CSMD1: variants seen among roughly 807,000 people sequenced by gnomAD.
The protein encoded by CSMD1 is CUB and Sushi multiple domains 1.
CSMD1 carries 213 observed loss-of-function variants against 417.5 expected under a neutral mutation model. The observed-to-expected ratio is 0.51, with a 90% CI of 0.46 to 0.57. The LOEUF (loss-of-function observed/expected upper bound fraction) is 0.57, where lower values mean the gene tolerates loss of function less well. Ranked by LOEUF, CSMD1 falls within the 20% of genes least tolerant of loss-of-function variation. The pLI, the probability that CSMD1 is intolerant of heterozygous loss-of-function variation, is 0.00. For missense variants in CSMD1, 6,923 were observed against 4,529.7 expected (o/e 1.53, Z -15.17); for synonymous variants, 2,862 against 1,736.8 (o/e 1.65, Z -16.11).
intron 69 of CSMD1, among the ~76,000 whole-genome samples, chr8:2,941,906 G>C (rs1187575729): frequency 1.3e-5 from 2 of 152,174 alleles, no homozygotes; most frequent in African/African-American, 2.4e-5. Flanking sequence ...CATGGAGCCT[G>C]AATGTAGAGA....
chr8:3,953,741 C>A (rs1443700604), intron 5 of CSMD1, among the ~76,000 whole-genome samples: 2 of 152,072 alleles, frequency 1.3e-5, no homozygotes, highest in African/African-American at 2.4e-5. Context: ...CCCACAGAGC[C>A]CCTGAGCTGC....
At chr8:3,729,817 A>G (rs1176049284) in intron 6 of CSMD1, among the ~76,000 whole-genome samples, 1 of 151,800 alleles carries the variant, frequency 6.6e-6, no homozygotes, top group East Asian at 1.9e-4. Flanking sequence ...ATTCTACAGC[A>G]TATTTATAAA....
At chr8:4,415,357 G>T (rs980380288) in intron 3 of CSMD1, among the ~76,000 whole-genome samples, 4 of 152,154 alleles carry the variant, frequency 2.6e-5, no homozygotes, top group African/African-American at 9.7e-5. Flanking sequence ...TACTCAGGAA[G>T]ATCCTTCTGT....
At chr8:3,442,363 C>T (rs1193496911) in intron 12 of CSMD1, among the ~76,000 whole-genome samples, 2 of 152,186 alleles carry the variant, frequency 1.3e-5, no homozygotes, top group Non-Finnish European at 2.9e-5. Context: ...CCATCACTCA[C>T]TCACTGACTC....
At chr8:4,977,507 G>T (rs576014436) in intron 1 of CSMD1, among the ~76,000 whole-genome samples, 1 of 152,320 alleles carries the variant, frequency 6.6e-6, no homozygotes, top group African/African-American at 2.4e-5. Flanking sequence ...ACATTGGCAT[G>T]AAAACGTAAA....
rs1469972584 is a variant in CSMD1, at chr8:3,651,368, G to C, written c.1010-34571C>G. Among the ~76,000 whole-genome samples the C allele has an allele frequency of 2.0e-5, 3 of 152,188 alleles. No homozygotes were observed. In the East Asian group the frequency reaches 5.8e-4, roughly 29 times the overall value. On this transcript the variant is annotated intron_variant, in intron 7 of 69. Coordinates refer to ENST00000635120, the MANE Select transcript of CSMD1 (RefSeq NM_033225.6). Reference sequence around the variant, plus strand: ...CCCACACACTTCACATAGGTCTTCTGTCTCCTCTTCATTCACAATATGGAA... The same window carrying C: ...CCCACACACTTCACATAGGTCTTCTCTCTCCTCTTCATTCACAATATGGAA...
intron 3 of CSMD1, among the ~76,000 whole-genome samples, chr8:4,057,003 C>T (rs1563065531): frequency 6.6e-6 from 1 of 152,184 alleles, no homozygotes; most frequent in African/African-American, 2.4e-5. Context: ...CATACGTGTG[C>T]ATGTGTCTTT....
intron 3 of CSMD1, among the ~76,000 whole-genome samples, chr8:4,061,354 G>C (rs1029105384): frequency 6.6e-6 from 1 of 152,170 alleles, no homozygotes; most frequent in Admixed American, 6.5e-5. Context: ...AAGAAAAGTA[G>C]AAGTAAAAAT....
chr8:4,795,787 G>C (rs1228709795), intron 1 of CSMD1, among the ~76,000 whole-genome samples: 2 of 152,078 alleles, frequency 1.3e-5, no homozygotes, highest in Non-Finnish European at 2.9e-5. Flanking sequence ...GGTACTCTGA[G>C]TGCAATTCAT....
intron 2 of CSMD1, among the ~76,000 whole-genome samples, chr8:4,634,392 T>C (rs1312960494): frequency 6.6e-6 from 1 of 152,196 alleles, no homozygotes; most frequent in Non-Finnish European, 1.5e-5. Flanking sequence ...AAAAAAAATA[T>C]TACAGTGGTT....
In CSMD1 at chr8:4,277,088, C is replaced by T. The variant is rs184537220; in HGVS notation, c.415+142865G>A. 4.6e-5 allele frequency among the ~76,000 whole-genome samples: 7 copies of T among 152,172 alleles called. No individual in the cohort carries two copies. The East Asian group carries it at 1.4e-3, about 29-fold the overall frequency. On this transcript the variant is annotated intron_variant, in intron 3 of 69. Coordinates refer to ENST00000635120, the MANE Select transcript of CSMD1 (RefSeq NM_033225.6). The stretch of plus-strand genomic sequence containing the variant: ...CAATGTTGTGTGTTTTATAAAATTG[C>T]ATGTAACTTTTCTGCCAATTAAAAA...
chr8:3,666,134 G>T (rs561555297), intron 7 of CSMD1, among the ~76,000 whole-genome samples: 1 of 152,142 alleles, frequency 6.6e-6, no homozygotes, highest in Non-Finnish European at 1.5e-5. Context: ...GACCTCAAGT[G>T]ATCTACATGC....
At chr8:4,259,995 C>T (rs1390532851) in intron 3 of CSMD1, among the ~76,000 whole-genome samples, 1 of 150,488 alleles carries the variant, frequency 6.6e-6, no homozygotes. Context: ...ACCTATAAAG[C>T]ACATCAGTTA....
At chr8:3,216,177 G>A (rs1460820178) in intron 29 of CSMD1, among the ~76,000 whole-genome samples, 1 of 151,826 alleles carries the variant, frequency 6.6e-6, no homozygotes, top group Non-Finnish European at 1.5e-5. Context: ...TTGAAAAGCT[G>A]TTTGGATGTT....
intron 7 of CSMD1, among the ~76,000 whole-genome samples, chr8:3,655,400 G>C (rs1798050490): frequency 6.6e-6 from 1 of 152,196 alleles, no homozygotes; most frequent in Non-Finnish European, 1.5e-5. Context: ...TCTAGTCACA[G>C]TAACTCTTTT....
At chr8:4,318,408 T>C (rs747300433) in intron 3 of CSMD1, among the ~76,000 whole-genome samples, 2 of 152,092 alleles carry the variant, frequency 1.3e-5, no homozygotes, top group African/African-American at 4.8e-5. Flanking sequence ...TTTTAGTTTC[T>C]GTGTGTGTGA....
chr8:4,442,347 T>A (rs1176971427), intron 2 of CSMD1, among the ~76,000 whole-genome samples: 1 of 152,220 alleles, frequency 6.6e-6, no homozygotes, highest in Admixed American at 6.5e-5. Context: ...TTCCAAACTA[T>A]CCCATTCCCA....
At chr8:3,731,041 A>T (rs1796222320) in intron 6 of CSMD1, among the ~76,000 whole-genome samples, 1 of 152,230 alleles carries the variant, frequency 6.6e-6, no homozygotes, top group Admixed American at 6.5e-5. Flanking sequence ...CTCAGCTGTA[A>T]TAATTATCAC....
intron 8 of CSMD1, among the ~76,000 whole-genome samples, chr8:3,607,542 A>G (rs1801678436): frequency 6.6e-6 from 1 of 152,196 alleles, no homozygotes; most frequent in Admixed American, 6.5e-5. Context: ...ACTGCCGCAA[A>G]CATGTGAGGA....
Sources: gnomAD v4.1 joint callset for allele counts (sites outside exome capture counted in the v4.1 genomes callset) on GRCh38, gnomAD v4.1.1 for gene constraint, MANE v1.5 for transcripts, NCBI Gene and HGNC (gene_info 2026-07-23, HGNC 2026-07-21) for gene names.